The following PEBP4 variants were observed in gnomAD, a reference collection of about 807,000 sequenced individuals.
PEBP4 encodes phosphatidylethanolamine binding protein 4, also known as phosphatidylethanolamine-binding protein 4.
A neutral mutation model predicts 23.9 loss-of-function variants in PEBP4; 22 were observed. The observed-to-expected ratio is 0.92, with a 90% CI of 0.66 to 1.31. PEBP4 has a LOEUF of 1.31. PEBP4 is among the 40% of genes most tolerant of loss of function. The pLI is 0.00. For missense variants in PEBP4, 324 were observed against 281.7 expected (o/e 1.15, Z -1.07); for synonymous variants, 112 against 99.3 (o/e 1.13, Z -0.76).
intron 3 of PEBP4, among the ~76,000 whole-genome samples, chr8:22,891,945 C>G (rs529137348): frequency 6.6e-6 from 1 of 152,130 alleles, no homozygotes; most frequent in Non-Finnish European, 1.5e-5. Context: ...TGGTGACAGG[C>G]GCCTGTAGTC....
At chr8:22,892,693 T>TAGAG (rs1309933334) in intron 3 of PEBP4, among the ~76,000 whole-genome samples, 1 of 152,182 alleles carries the variant, frequency 6.6e-6, no homozygotes, top group Non-Finnish European at 1.5e-5. Flanking sequence ...CCAGCCAAGA[T>TAGAG]AGAGTATCAG....
chr8:22,770,884 T>A (rs1805705671), intron 4 of PEBP4, among the ~76,000 whole-genome samples: 1 of 152,274 alleles, frequency 6.6e-6, no homozygotes. Context: ...GCTTAGCTTC[T>A]GATGCTACCA....
intron 3 of PEBP4, among the ~76,000 whole-genome samples, chr8:22,821,393 G>C (rs1404216586): frequency 2.0e-5 from 3 of 152,202 alleles, no homozygotes; most frequent in Non-Finnish European, 4.4e-5. Flanking sequence ...AGGTGACCGG[G>C]TAGGGCAGAC....
intron 3 of PEBP4, among the ~76,000 whole-genome samples, chr8:22,846,101 G>A (rs1807430657): frequency 6.6e-6 from 1 of 152,222 alleles, no homozygotes; most frequent in African/African-American, 2.4e-5. Flanking sequence ...GCTGTTTCTG[G>A]TGGGTTGCTT....
intron 3 of PEBP4, among the ~76,000 whole-genome samples, chr8:22,819,158 G>T (rs1806807027): frequency 6.6e-6 from 1 of 152,060 alleles, no homozygotes; most frequent in Admixed American, 6.6e-5. Flanking sequence ...AAGAAAAGAG[G>T]TCTCATGGCT....
In PEBP4 at chr8:22,912,435, G is replaced by A. The variant is rs369086185; in HGVS notation, c.258+7749C>T. 3.9e-4 allele frequency among the ~76,000 whole-genome samples: 59 copies of A among 152,282 alleles called. 2 individuals are homozygous for A. The South Asian group carries it at 0.011, about 29-fold the overall frequency. On this transcript the variant is annotated intron_variant, in intron 3 of 6. Coordinates refer to ENST00000256404, the MANE Select transcript of PEBP4 (RefSeq NM_144962.3). ...GACTGAATGACACCCCCTCTCCACT[G>A]TCAACATTACAGGCCTGTTTTCAGG... is the stretch of plus-strand genomic sequence containing the variant.
chr8:22,890,737 G>A (rs898086353), intron 3 of PEBP4, among the ~76,000 whole-genome samples: 2 of 152,214 alleles, frequency 1.3e-5, no homozygotes, highest in South Asian at 2.1e-4. Context: ...GACTTTTACC[G>A]GCAAGCATGC....
intron 3 of PEBP4, among the ~76,000 whole-genome samples, chr8:22,867,719 T>A (rs977122528): frequency 2.0e-5 from 3 of 152,196 alleles, no homozygotes; most frequent in Non-Finnish European, 4.4e-5. Context: ...GATTCTGAGT[T>A]CCAAGCTGGA....
At chr8:22,816,493 C>T (rs1806742851) in intron 4 of PEBP4, among the ~76,000 whole-genome samples, 1 of 152,248 alleles carries the variant, frequency 6.6e-6, no homozygotes. Context: ...TTCCTCCACC[C>T]ACAGTTCTAG....
intron 3 of PEBP4, among the ~76,000 whole-genome samples, chr8:22,876,274 T>C (rs1226238499): frequency 6.6e-6 from 1 of 152,200 alleles, no homozygotes; most frequent in African/African-American, 2.4e-5. Flanking sequence ...ACACGTACCA[T>C]GCGTACAACG....
chr8:22,747,787 TG>T (rs762612343), intron 4 of PEBP4, among the ~76,000 whole-genome samples: 4 of 152,214 alleles, frequency 2.6e-5, no homozygotes, highest in South Asian at 2.1e-4. Flanking sequence ...GTTCCAACGA[TG>T]GACTTCCTTC....
At chr8:22,911,003 G>C (rs140528279) in intron 3 of PEBP4, among the ~76,000 whole-genome samples, 47 of 152,210 alleles carry the variant, frequency 3.1e-4, no homozygotes, top group Admixed American at 1.1e-3. Context: ...CCGCTCTGGT[G>C]GGGGGAGCTG....
chr8:22,743,981 G>A (rs1163005136), intron 4 of PEBP4, among the ~76,000 whole-genome samples: 1 of 152,220 alleles, frequency 6.6e-6, no homozygotes, highest in African/African-American at 2.4e-5. Flanking sequence ...AGCTTGGTGA[G>A]ATCACAGCCT....
intron 3 of PEBP4, among the ~76,000 whole-genome samples, chr8:22,872,753 C>T (rs1972083): frequency 0.33 from 49,490 of 151,994 alleles, 8,607 homozygotes; most frequent in African/African-American, 0.45. Flanking sequence ...CTGGGCTCAC[C>T]GCAACCTCTG....
In PEBP4 at chr8:22,805,248, T is replaced by A. The variant is rs570931913; in HGVS notation, c.357+12389A>T. Among the ~76,000 whole-genome samples, 5 of 152,340 alleles carry A rather than the reference T, an allele frequency of 3.3e-5. 1 individual carries two copies. Among genetic ancestry groups the A allele is most frequent in the African/African-American group, 1.2e-4 (5 of 41,564 alleles). On this transcript the variant is annotated intron_variant, in intron 4 of 6. Transcript: ENST00000256404. ...GTCCAAACCTATACAACATGCAACA[T>A]CAAGAGTGAACCCTAATGTAAACTA... is the stretch of plus-strand genomic sequence containing the variant.
intron 3 of PEBP4, chr8:22,897,788 A>G (rs1262966545): frequency 6.6e-6 from 1 of 152,118 alleles, no homozygotes; most frequent in African/African-American, 2.4e-5. Flanking sequence ...CCTTTCCCAT[A>G]TGCTATGAAA....
At chr8:22,731,381 G>C (rs1384993120) in intron 4 of PEBP4, among the ~76,000 whole-genome samples, 2 of 152,112 alleles carry the variant, frequency 1.3e-5, no homozygotes, top group African/African-American at 4.8e-5. Context: ...TTAACAAATA[G>C]GAAGTATATT....
intron 3 of PEBP4, among the ~76,000 whole-genome samples, chr8:22,917,662 C>G (rs1446371845): frequency 6.6e-6 from 1 of 152,184 alleles, no homozygotes; most frequent in East Asian, 1.9e-4. Flanking sequence ...ATCCTTTCAC[C>G]CTTATCTGAT....
intron 6 of PEBP4, among the ~76,000 whole-genome samples, chr8:22,723,751 G>A (rs1210011115): frequency 6.6e-6 from 1 of 152,262 alleles, no homozygotes; most frequent in African/African-American, 2.4e-5. Context: ...AAGGTTCACT[G>A]GTGGTAAGTT....
Sources: gnomAD v4.1 joint callset for allele counts (sites outside exome capture counted in the v4.1 genomes callset) on GRCh38, gnomAD v4.1.1 for gene constraint, MANE v1.5 for transcripts, NCBI Gene and HGNC (gene_info 2026-07-23, HGNC 2026-07-21) for gene names.